PDCD1LG2: variants seen among roughly 807,000 people sequenced by gnomAD.
PDCD1LG2 encodes the protein programmed cell death 1 ligand 2.
In PDCD1LG2, 32 loss-of-function variants were observed where a neutral mutation model predicts 28.2. The ratio of observed to expected loss-of-function variants is 1.13; its 90% CI spans 0.86 to 1.52. PDCD1LG2 has a LOEUF of 1.52. Among genes scored for constraint, PDCD1LG2 ranks in the 40% most tolerant of loss-of-function variants. The pLI, the probability that PDCD1LG2 is intolerant of heterozygous loss-of-function variation, is 0.00. For synonymous variants in PDCD1LG2, 116 were observed against 120.2 expected (o/e 0.97, Z 0.23); for missense variants, 385 against 323.8 (o/e 1.19, Z -1.45).
intron 2 of PDCD1LG2, among the ~76,000 whole-genome samples, chr9:5,529,461 T>C (rs979462530): frequency 6.6e-6 from 1 of 152,218 alleles, no homozygotes; most frequent in Non-Finnish European, 1.5e-5. Context: ...CAATTAGTCA[T>C]ATTTATGTGG....
At chr9:5,517,779 G>A (rs1382499902) in intron 1 of PDCD1LG2, among the ~76,000 whole-genome samples, 1 of 152,154 alleles carries the variant, frequency 6.6e-6, no homozygotes, top group African/African-American at 2.4e-5. Context: ...TGAAGGAAGG[G>A]CCAATAGGGT....
Position 5,534,999 on chromosome 9 carries a change from A to G in PDCD1LG2, c.310A>G (p.Ile104Val), listed in dbSNP as rs1436455804. ...VRDEGQYQCI[I>V]IYGVAWDYKY... ...GGACGAAGGACAGTACCAATGCATA[A>G]TCATCTATGGGGTCGCCTGGGACTA... Residue 104 changes from isoleucine to valine, a missense_variant, in exon 3 of 7, where the codon ATC becomes GTC. Transcript: ENST00000397747. The G allele has an allele frequency of 2.5e-6, 4 of 1,614,074 alleles. No individual in the cohort carries two copies. The South Asian group carries it at 4.4e-5, about 18-fold the overall frequency.
At chr9:5,523,389 T>A (rs1202415707) in intron 2 of PDCD1LG2, among the ~76,000 whole-genome samples, 1 of 152,168 alleles carries the variant, frequency 6.6e-6, no homozygotes, top group Non-Finnish European at 1.5e-5. Context: ...TGGGAAATCA[T>A]CTTTCTGCTC....
intron 1 of PDCD1LG2, among the ~76,000 whole-genome samples, chr9:5,521,029 T>C (rs887318060): frequency 3.3e-5 from 5 of 152,126 alleles, no homozygotes; most frequent in Admixed American, 6.6e-5. Flanking sequence ...TATTATTTAG[T>C]CACAAAAAGG....
intron 1 of PDCD1LG2, among the ~76,000 whole-genome samples, chr9:5,520,911 A>T (rs988175748): frequency 6.6e-6 from 1 of 152,370 alleles, no homozygotes; most frequent in East Asian, 1.9e-4. Flanking sequence ...AGACTTGTAT[A>T]TGAGTTTTCA....
At chr9:5,555,914 A>G (rs949137127) in intron 4 of PDCD1LG2, among the ~76,000 whole-genome samples, 1 of 152,224 alleles carries the variant, frequency 6.6e-6, no homozygotes, top group African/African-American at 2.4e-5. Context: ...TAAAGTTGAA[A>G]GAAAGAATGG....
chr9:5,554,675 A>G (rs1816402201), intron 4 of PDCD1LG2, among the ~76,000 whole-genome samples: 1 of 152,184 alleles, frequency 6.6e-6, no homozygotes, highest in Non-Finnish European at 1.5e-5. Flanking sequence ...CAGTTGTTGT[A>G]TTTTCATTAG....
intron 6 of PDCD1LG2, among the ~76,000 whole-genome samples, chr9:5,564,375 T>C (rs112412150): frequency 8.3e-4 from 126 of 152,320 alleles, no homozygotes; most frequent in African/African-American, 2.9e-3. Flanking sequence ...GCAATAGCAA[T>C]GAATATCTGA....
intron 1 of PDCD1LG2, among the ~76,000 whole-genome samples, chr9:5,511,817 C>T (rs1384019157): frequency 1.3e-5 from 2 of 152,146 alleles, no homozygotes; most frequent in African/African-American, 2.4e-5. Context: ...GGTGTCTTCT[C>T]CCCAGATTTC....
intron 2 of PDCD1LG2, among the ~76,000 whole-genome samples, chr9:5,530,708 G>A (rs2129771393): frequency 6.6e-6 from 1 of 152,320 alleles, no homozygotes; most frequent in East Asian, 1.9e-4. Flanking sequence ...TCGCAGAGTT[G>A]CTGGGAGGAT....
intron 3 of PDCD1LG2, among the ~76,000 whole-genome samples, chr9:5,542,630 CA>C (rs1427310361): frequency 6.6e-6 from 1 of 152,178 alleles, no homozygotes; most frequent in Non-Finnish European, 1.5e-5. Flanking sequence ...ATCAAAACCA[CA>C]CTGCGATACC....
At position 5,538,341 on chromosome 9, in the gene PDCD1LG2, TA is replaced by T. The variant is rs376408367; in HGVS notation, c.361+3292del. Among the ~76,000 whole-genome samples the T allele has an allele frequency of 2.7e-3, 413 of 152,256 alleles. 2 individuals are homozygous for T. Among genetic ancestry groups the T allele is most frequent in the Middle Eastern group, 0.017 (5 of 294 alleles). On this transcript the variant is annotated intron_variant, in intron 3 of 6. Transcript: ENST00000397747. ...TATGTAATATTGTTTTAGATGCATA[TA>T]TTTTTTTTCTTGTGGAAACTATATT...
At chr9:5,556,076 G>C (rs1418858022) in intron 4 of PDCD1LG2, among the ~76,000 whole-genome samples, 1 of 152,242 alleles carries the variant, frequency 6.6e-6, no homozygotes, top group Non-Finnish European at 1.5e-5. Context: ...CTCAGAGGTA[G>C]TTTAGATAAG....
chr9:5,517,200 G>A (rs905468121), intron 1 of PDCD1LG2, among the ~76,000 whole-genome samples: 4 of 152,228 alleles, frequency 2.6e-5, no homozygotes, highest in African/African-American at 7.2e-5. Flanking sequence ...TAGGGTTGGA[G>A]TGCTCTTGCA....
chr9:5,523,308 C>G (rs75889070), intron 2 of PDCD1LG2, among the ~76,000 whole-genome samples: 3,267 of 152,246 alleles, frequency 0.021, 75 homozygotes, highest in East Asian at 0.095. Flanking sequence ...TGGATGAACA[C>G]CAGGAGCTAA....
At chr9:5,516,276 C>G (rs1586789908) in intron 1 of PDCD1LG2, among the ~76,000 whole-genome samples, 1 of 152,202 alleles carries the variant, frequency 6.6e-6, no homozygotes, top group South Asian at 2.1e-4. Context: ...TGGTCTCAAA[C>G]TCCTGACCTC....
chr9:5,569,114 G>A lies in PDCD1LG2; in HGVS notation c.817-840G>A, dbSNP rs541254313. On this transcript the variant is annotated intron_variant, in intron 6 of 6. Coordinates refer to ENST00000397747, the MANE Select transcript of PDCD1LG2 (RefSeq NM_025239.4). The surrounding 1 kb of genome is among the most constrained non-coding windows in gnomAD (Gnocchi z 4.1). The stretch of plus-strand genomic sequence containing the variant: ...GGGAAAGACTGTTAGGGCATGTATT[G>A]TAAACCACTAATTCCAGGCAAAAGT... 1.2e-4 allele frequency among the ~76,000 whole-genome samples: 18 copies of A among 152,314 alleles called. No individual in the cohort carries two copies. The highest frequency in any genetic ancestry group is 4.3e-4 in the African/African-American group (18 of 41,564).
chr9:5,558,960 G>C (rs925322050), intron 5 of PDCD1LG2, among the ~76,000 whole-genome samples: 6 of 152,236 alleles, frequency 3.9e-5, no homozygotes, highest in African/African-American at 1.4e-4. Context: ...CCACTTCAGA[G>C]AGTTGTGTCA....
chr9:5,528,882 A>T (rs549445999), intron 2 of PDCD1LG2, among the ~76,000 whole-genome samples: 1 of 152,258 alleles, frequency 6.6e-6, no homozygotes, highest in East Asian at 1.9e-4. Flanking sequence ...GGCATGTACC[A>T]CCATGCTTGG....
Sources: gnomAD v4.1 joint callset for allele counts (sites outside exome capture counted in the v4.1 genomes callset) on GRCh38, gnomAD v4.1.1 for gene constraint, Gnocchi (gnomAD v3.1) non-coding constraint, MANE v1.5 for transcripts, NCBI Gene and HGNC (gene_info 2026-07-23, HGNC 2026-07-21) for gene names.